The following PRH1 variants were observed in gnomAD, a reference collection of about 807,000 sequenced individuals.
PRH1 encodes the protein salivary acidic proline-rich phosphoprotein 1/2.
A neutral mutation model predicts 7.9 loss-of-function variants in PRH1; 7 were observed. The ratio of observed to expected loss-of-function variants is 0.89; its 90% CI spans 0.50 to 1.67. The LOEUF (loss-of-function observed/expected upper bound fraction) is 1.67, where lower values mean the gene tolerates loss of function less well. Among genes scored for constraint, PRH1 ranks in the 40% most tolerant of loss-of-function variants. PRH1 has a pLI of 0.00. For missense variants in PRH1, 109 were observed against 223.6 expected (o/e 0.49, Z 3.27); for synonymous variants, 45 against 80.8 (o/e 0.56, Z 2.38).
chr12:11,002,724 A>T (rs1940652330), intron 1 of PRH1, among the ~76,000 whole-genome samples: 1 of 152,078 alleles, frequency 6.6e-6, no homozygotes, highest in South Asian at 2.1e-4. Flanking sequence ...AGCACACTCA[A>T]AGATTACACT....
chr12:10,903,400 C>T (rs76807546), intron 2 of PRH1, among the ~76,000 whole-genome samples: 3,720 of 152,080 alleles, frequency 0.024, 72 homozygotes, highest in African/African-American at 0.049. Context: ...GATACCCACT[C>T]AATAATATTG....
At chr12:11,048,852 C>T (rs529692803), upstream of PRH1, 4 of 276,472 alleles carry the variant, frequency 1.4e-5, no homozygotes, top group Non-Finnish European at 2.9e-5. Flanking sequence ...ATACCAAGGG[C>T]CCCAACAGCA....
chr12:11,131,333 T>C (rs189184542), intron 1 of PRH1, among the ~76,000 whole-genome samples: 154 of 147,688 alleles, frequency 1.0e-3, no homozygotes, highest in Non-Finnish European at 1.8e-3. Flanking sequence ...CCAGCAGTCA[T>C]ACCAGACATC....
chr12:11,163,431 C>T (rs958805922), intron 1 of PRH1, among the ~76,000 whole-genome samples: 2 of 151,790 alleles, frequency 1.3e-5, no homozygotes, highest in South Asian at 2.1e-4. Flanking sequence ...TTCAAATGAT[C>T]CTACAACATA....
chr12:10,888,721 G>A (rs921809598), upstream of PRH1, among the ~76,000 whole-genome samples: 1 of 152,046 alleles, frequency 6.6e-6, no homozygotes, highest in Admixed American at 6.6e-5. Context: ...TAATTTTTGA[G>A]TGTATCTCTC....
intron 1 of PRH1, among the ~76,000 whole-genome samples, chr12:11,121,455 T>C (rs1433147007): frequency 1.3e-5 from 2 of 152,204 alleles, no homozygotes; most frequent in Non-Finnish European, 1.5e-5. Flanking sequence ...ATTCAGGGGC[T>C]CAGAGGTGGC....
intron 2 of PRH1, among the ~76,000 whole-genome samples, chr12:10,889,643 G>A (rs1949542385): frequency 6.6e-6 from 1 of 152,106 alleles, no homozygotes; most frequent in Non-Finnish European, 1.5e-5. Flanking sequence ...CAGAATGCAT[G>A]AATAGTACAT....
At chr12:11,000,433 T>C (rs1390363672) in intron 1 of PRH1, among the ~76,000 whole-genome samples, 2 of 152,180 alleles carry the variant, frequency 1.3e-5, no homozygotes, top group Non-Finnish European at 2.9e-5. Flanking sequence ...CATTTTTCTG[T>C]TGAAAATCAG....
chr12:10,931,191 C>A (rs1348976193), intron 2 of PRH1: 30 of 1,536,058 alleles, frequency 2.0e-5, no homozygotes, highest in Middle Eastern at 2.4e-4. Flanking sequence ...TCCTGGAACA[C>A]ATTTCTCATG....
chr12:10,969,324 T>A lies in PRH1; in HGVS notation c.-59+4331A>T, dbSNP rs367978926. ...ACTACCGGTGGAGCCTGGGGTTTTA[T>A]GGGCATAGGATGAGGGGTGGGGCAG... On this transcript the variant is annotated intron_variant, in intron 2 of 3. Coordinates refer to the PRH1 transcript ENST00000539853. Among the ~76,000 whole-genome samples, 21 of 152,040 alleles carry A rather than the reference T, an allele frequency of 1.4e-4. No individual in the cohort carries two copies. In the East Asian group the frequency reaches 3.7e-3, roughly 27 times the overall value.
At chr12:11,073,643 A>G (rs1944176922) in intron 1 of PRH1, among the ~76,000 whole-genome samples, 1 of 151,962 alleles carries the variant, frequency 6.6e-6, no homozygotes, top group African/African-American at 2.4e-5. Flanking sequence ...GGGTTACAGA[A>G]TGAATGCAAA....
At chr12:11,140,944 A>C (rs1354594246) in intron 1 of PRH1, among the ~76,000 whole-genome samples, 1 of 152,232 alleles carries the variant, frequency 6.6e-6, no homozygotes, top group East Asian at 1.9e-4. Flanking sequence ...AAAAGCATTC[A>C]AGGTTTTCTT....
At chr12:11,006,356 T>G (rs923572756) in intron 1 of PRH1, 23 of 150,960 alleles carry the variant, frequency 1.5e-4, no homozygotes, top group African/African-American at 5.3e-4. Context: ...AAACTTCCAT[T>G]TCTTTTCTCC....
intron 2 of PRH1, among the ~76,000 whole-genome samples, chr12:10,969,878 C>A (rs1361823467): frequency 6.6e-6 from 1 of 152,168 alleles, no homozygotes; most frequent in Admixed American, 6.5e-5. Context: ...CGGCTCACTG[C>A]AACCTCTGAC....
At chr12:10,950,219 TC>T (rs1399503054) in intron 2 of PRH1, among the ~76,000 whole-genome samples, 7 of 152,272 alleles carry the variant, frequency 4.6e-5, no homozygotes, top group African/African-American at 1.7e-4. Context: ...CACACTTTTT[TC>T]ATATGTATTC....
At chr12:11,118,318 G>A (rs1384018253), downstream of PRH1, among the ~76,000 whole-genome samples, 4 of 152,072 alleles carry the variant, frequency 2.6e-5, no homozygotes, top group Non-Finnish European at 4.4e-5. Flanking sequence ...CATGTGAAAA[G>A]GTGCTCAACA....
chr12:11,056,227 C>A (rs553570107), intron 1 of PRH1, among the ~76,000 whole-genome samples: 1 of 152,384 alleles, frequency 6.6e-6, no homozygotes, highest in South Asian at 2.1e-4. Context: ...AATTTTATAA[C>A]TATTCCTTGG....
intron 1 of PRH1, among the ~76,000 whole-genome samples, chr12:10,981,922 C>T (rs1330093278): frequency 6.7e-6 from 1 of 148,676 alleles, no homozygotes; most frequent in East Asian, 2.0e-4. Context: ...CTGAAACTCT[C>T]AGCCTAAAGT....
chr12:11,139,598 G>A (rs1380405888), intron 1 of PRH1, among the ~76,000 whole-genome samples: 2 of 151,966 alleles, frequency 1.3e-5, no homozygotes, highest in East Asian at 1.9e-4. Flanking sequence ...TTATACTGTT[G>A]TAAACATGTC....
Sources: allele counts gnomAD v4.1 joint callset (sites outside exome capture counted in the v4.1 genomes callset), GRCh38; gene constraint gnomAD v4.1.1; transcripts MANE v1.5; gene names NCBI Gene and HGNC (gene_info 2026-07-23, HGNC 2026-07-21).